Variants in ACYP2 observed in about 807,000 individuals in gnomAD.
The protein encoded by ACYP2 is acylphosphatase-2.
ACYP2 carries 12 observed loss-of-function variants against 11.2 expected under a neutral mutation model. The ratio of observed to expected loss-of-function variants is 1.08; its 90% confidence interval spans 0.69 to 1.74. The LOEUF (loss-of-function observed/expected upper bound fraction) is 1.74. ACYP2 is among the 40% of genes most tolerant of loss of function. ACYP2 has a pLI of 0.00. For synonymous variants in ACYP2, 43 were observed against 32.2 expected, an observed-to-expected ratio of 1.33 and a Z score of -1.13; for missense variants, 134 against 101.9, an observed-to-expected ratio of 1.31 and a Z score of -1.35.
intron 6 of ACYP2, among the ~76,000 whole-genome samples, chr2:54,252,700 T>C (rs1687282579): frequency 6.6e-6 from 1 of 152,106 alleles, no homozygotes; most frequent in Admixed American, 6.5e-5. Context: ...TCAGGAGATT[T>C]GAGTCCATCC....
intron 2 of ACYP2, among the ~76,000 whole-genome samples, chr2:54,006,592 ATCTC>A (rs1239139565): frequency 2.0e-5 from 3 of 152,008 alleles, no homozygotes; most frequent in Non-Finnish European, 4.4e-5. Context: ...CCCAGTCAGT[ATCTC>A]TCTCTATTTA....
intron 6 of ACYP2, among the ~76,000 whole-genome samples, chr2:54,219,655 G>T (rs1685698869): frequency 6.6e-6 from 1 of 151,848 alleles, no homozygotes; most frequent in South Asian, 2.1e-4. Flanking sequence ...GTCTCGCTCT[G>T]TTGCCCAGGC....
At position 54,255,839 on chromosome 2, in the gene ACYP2, G is replaced by C. The variant is rs752773282; in HGVS notation, c.405-48849G>C. The stretch of plus-strand genomic sequence containing the variant: ...TTTTTGAGGCTGCCGTCAGTTGTCA[G>C]CGAGGCAGAGGCCGCTTCTAGGCCC... On this transcript the variant is annotated intron_variant, in intron 6 of 6. Coordinates refer to ENST00000607452, the MANE Select transcript of ACYP2 (RefSeq NM_001320586.2). 3 of 1,613,852 alleles carry C rather than the reference G, an allele frequency of 1.9e-6. No homozygotes were observed. The African/African-American group carries it at 4.0e-5, about 22-fold the overall frequency.
chr2:54,138,556 T>A, intron 5 of ACYP2, 83 bp from the exon 3 acceptor site: 1 of 1,072,178 alleles, frequency 9.3e-7, no homozygotes, highest in Non-Finnish European at 1.3e-6. Flanking sequence ...TAGGTTAGCA[T>A]TTTTTGGATA....
rs1674022996 is a variant in ACYP2, at chr2:54,021,833, C to G, written c.63-29125C>G. On this transcript the variant is annotated intron_variant, in intron 2 of 6. Coordinates refer to ENST00000607452, the MANE Select transcript of ACYP2 (RefSeq NM_001320586.2). ...ACAACTGGGTTGTACTGGTGTTAAA[C>G]ACATAATCCTAAATTTAGTTGAACC... Among the ~76,000 whole-genome samples, 8 of 152,252 alleles carry G rather than the reference C, an allele frequency of 5.3e-5. No homozygotes were observed. The South Asian group carries it at 1.7e-3, about 32-fold the overall frequency.
At chr2:54,292,336 G>A (rs1689344751) in intron 6 of ACYP2, among the ~76,000 whole-genome samples, 1 of 152,006 alleles carries the variant, frequency 6.6e-6, no homozygotes, top group African/African-American at 2.4e-5. Flanking sequence ...TTATAATGTG[G>A]CAAGTTTGAA....
chr2:54,117,733 G>C (rs1679896282), intron 4 of ACYP2, among the ~76,000 whole-genome samples: 2 of 152,198 alleles, frequency 1.3e-5, no homozygotes, highest in Non-Finnish European at 2.9e-5. Context: ...ATGGGTAAAA[G>C]TGTGCCTTTT....
At chr2:54,150,252 A>G (rs2103807765) in intron 6 of ACYP2, among the ~76,000 whole-genome samples, 1 of 152,326 alleles carries the variant, frequency 6.6e-6, no homozygotes, top group South Asian at 2.1e-4. Context: ...GGATGGCCTC[A>G]AAGCCTGAAC....
At chr2:54,080,530 C>G (rs1310617197) in intron 4 of ACYP2, 1 of 152,018 alleles carries the variant, frequency 6.6e-6, no homozygotes, top group Non-Finnish European at 1.5e-5. Flanking sequence ...CTCTTGTTGC[C>G]CAGGCTGGAG....
intron 6 of ACYP2, among the ~76,000 whole-genome samples, chr2:54,147,547 C>G (rs1681952228): frequency 6.6e-6 from 1 of 152,068 alleles, no homozygotes; most frequent in Admixed American, 6.6e-5. Flanking sequence ...TGTTTTTAGG[C>G]AGGATCTTGC....
chr2:54,195,781 CGTTTT>C lies in ACYP2; in HGVS notation c.404+57037_404+57041del, dbSNP rs552196487. 2.5e-3 allele frequency among the ~76,000 whole-genome samples: 268 copies of C among 107,628 alleles called. 1 individual carries two copies. The highest frequency in any genetic ancestry group is 9.0e-3 in the African/African-American group (250 of 27,864). The allele number at this position is 107,628 out of a possible 152,430, so 70.6% of individuals were successfully genotyped here. A position where few individuals can be genotyped will look rare whatever the true frequency, so the allele number is the denominator to read the frequency against. ...ATTTTTTAGAGGGGTACATTGTCAT[CGTTTT>C]GTTGTGGGTTTTTTTTTTTTTTTTT... On this transcript the variant is annotated intron_variant, in intron 6 of 6. Transcript: ENST00000607452.
intron 4 of ACYP2, among the ~76,000 whole-genome samples, chr2:54,082,015 T>G (rs1026035186): frequency 5.9e-5 from 9 of 152,190 alleles, no homozygotes; most frequent in African/African-American, 2.2e-4. Flanking sequence ...AAGTCTCAGT[T>G]TGCTCCATAT....
intron 2 of ACYP2, among the ~76,000 whole-genome samples, chr2:54,011,557 A>G (rs1451387390): frequency 1.3e-5 from 2 of 152,184 alleles, no homozygotes; most frequent in African/African-American, 4.8e-5. Flanking sequence ...CAGATATTTA[A>G]TGTTGTATCT....
chr2:54,216,864 G>C (rs552534825), intron 6 of ACYP2, among the ~76,000 whole-genome samples: 1 of 152,250 alleles, frequency 6.6e-6, no homozygotes, highest in African/African-American at 2.4e-5. Flanking sequence ...TTGTCATATA[G>C]CTACTGCACA....
chr2:54,124,662 G>A (rs1423263170), intron 4 of ACYP2, among the ~76,000 whole-genome samples: 2 of 152,150 alleles, frequency 1.3e-5, no homozygotes, highest in Non-Finnish European at 2.9e-5. Context: ...ATAAATGCAT[G>A]TGTGTATTGT....
chr2:54,105,403 G>A (rs920417192), intron 4 of ACYP2, among the ~76,000 whole-genome samples: 2 of 151,956 alleles, frequency 1.3e-5, no homozygotes, highest in Non-Finnish European at 2.9e-5. Flanking sequence ...ATTCTTCAGC[G>A]ATCACTTCCC....
chr2:54,113,702 G>T (rs757166656), intron 4 of ACYP2, among the ~76,000 whole-genome samples: 1 of 152,134 alleles, frequency 6.6e-6, no homozygotes, highest in African/African-American at 2.4e-5. Context: ...CGGGATAGAG[G>T]AAGATTTTGG....
At chr2:54,026,618 T>C (rs544988358) in intron 2 of ACYP2, among the ~76,000 whole-genome samples, 5 of 152,212 alleles carry the variant, frequency 3.3e-5, no homozygotes, top group Non-Finnish European at 7.3e-5. Flanking sequence ...TGCTTGTTTA[T>C]AGCAGCACAA....
intron 4 of ACYP2, among the ~76,000 whole-genome samples, chr2:54,095,398 G>A (rs1161213402): frequency 6.6e-6 from 1 of 152,230 alleles, no homozygotes; most frequent in Admixed American, 6.5e-5. Context: ...GGAGCTGTTG[G>A]ACACACCTCC....
Sources: gnomAD v4.1 joint callset for allele counts (sites outside exome capture counted in the v4.1 genomes callset) on GRCh38, gnomAD v4.1.1 for gene constraint, MANE v1.5 for transcripts, NCBI Gene and HGNC (gene_info 2026-07-23, HGNC 2026-07-21) for gene names.